Variants in PRRC2B observed in about 807,000 individuals in gnomAD.
PRRC2B encodes the protein proline rich coiled-coil 2B.
A neutral mutation model predicts 242.3 loss-of-function variants in PRRC2B; 68 were observed. That is an observed-to-expected ratio of 0.28 (90% CI 0.23 to 0.34). The LOEUF is 0.34. Ranked by LOEUF, PRRC2B falls within the 10% of genes least tolerant of loss-of-function variation. PRRC2B has a pLI of 1.00. For synonymous variants in PRRC2B, 1,228 were observed against 1,173.6 expected, an observed-to-expected ratio of 1.05 and a Z score of -0.95; for missense variants, 2,835 against 2,954.8, an observed-to-expected ratio of 0.96 and a Z score of 0.94.
At chr9:131,454,486 A>C (rs2131402901) in intron 9 of PRRC2B, among the ~76,000 whole-genome samples, 1 of 152,214 alleles carries the variant, frequency 6.6e-6, no homozygotes, top group East Asian at 1.9e-4. Flanking sequence ...TAGTCTAACC[A>C]AGCTGCCCTG....
intron 11 of PRRC2B, among the ~76,000 whole-genome samples, chr9:131,464,084 G>A (rs1018554056): frequency 7.9e-5 from 12 of 152,024 alleles, no homozygotes; most frequent in African/African-American, 2.7e-4. Context: ...TGGGACTACA[G>A]GTGCACTCCG....
rs779244767 is a variant in PRRC2B at position 131,470,770 on chromosome 9, C to G, written c.1912-18C>G. ...TGGCCGCACCAGCCTGACCAAGTCT[C>G]TCTCTCTCTGTGGGCAGGAGCAGCT... On this transcript the variant is annotated intron_variant, in intron 13 of 31. Transcript: ENST00000683519. The G allele has an allele frequency of 3.7e-6, 6 of 1,606,110 alleles. No individual in the cohort carries two copies. The highest frequency in any genetic ancestry group is 3.3e-5 in the South Asian group (3 of 90,704).
At chr9:131,415,529 G>T (rs1294764423) in intron 1 of PRRC2B, among the ~76,000 whole-genome samples, 3 of 152,214 alleles carry the variant, frequency 2.0e-5, no homozygotes, top group African/African-American at 7.2e-5. Flanking sequence ...CACTAATATT[G>T]CCAGTCCCTC....
chr9:131,481,143 T>TACA (rs1215617960), intron 19 of PRRC2B, among the ~76,000 whole-genome samples: 4 of 151,032 alleles, frequency 2.6e-5, no homozygotes, highest in Non-Finnish European at 5.9e-5. Flanking sequence ...CTCCTAAAAA[T>TACA]ACAACAACAA....
At position 131,494,290 on chromosome 9, in the gene PRRC2B, A is replaced by AGC; in HGVS notation, c.6474-112_6474-111dup. On this transcript the variant is annotated intron_variant, in intron 30 of 31. Coordinates refer to ENST00000683519, the MANE Select transcript of PRRC2B (RefSeq NM_013318.4). This position sits in a 1 kb window ranked among gnomAD's most constrained non-coding sequence, Gnocchi z 4.3. ...AGAGATCCACGGACCGTCCCGAGTG[A>AGC]GCGCCTCTGGCCGCAGGCCCTTCCT... 1.6e-6 allele frequency: 1 copy of AGC among 627,188 alleles called. No homozygotes were observed. The highest frequency in any genetic ancestry group is 2.9e-6 in the Non-Finnish European group (1 of 349,692). The allele number at this position is 627,188 out of a possible 1,614,324, so 38.9% of individuals were successfully genotyped here. A position where few individuals can be genotyped will look rare whatever the true frequency, so the allele number is the denominator to read the frequency against.
intron 4 of PRRC2B, 91 bp downstream of exon 4, chr9:131,436,813 G>C: frequency 9.4e-7 from 1 of 1,064,362 alleles, no homozygotes; most frequent in Non-Finnish European, 1.4e-6. Flanking sequence ...TTGCTACTGA[G>C]AAGTGTGGTT....
intron 9 of PRRC2B, among the ~76,000 whole-genome samples, chr9:131,452,744 G>A (rs900138529): frequency 6.6e-6 from 1 of 152,092 alleles, no homozygotes; most frequent in African/African-American, 2.4e-5. Context: ...TTTTATTACG[G>A]GGACATTTCT....
rs1214193212 is a variant in PRRC2B, at chr9:131,474,815, G to T, written c.2686G>T (p.Ala896Ser). 6.2e-7 allele frequency: 1 copy of T among 1,612,108 alleles called. No individual in the cohort carries two copies. The highest frequency in any genetic ancestry group is 1.7e-5 in the Admixed American group (1 of 59,872). The change falls in exon 16 of 32, where the codon GCC becomes TCC. Residue 896 changes from alanine to serine, a missense_variant. Around this residue, in one of 7 missense-constraint regions of PRRC2B, gnomAD observed 1,536 missense variants for 1,483.1 expected, o/e 1.04. Coordinates refer to ENST00000683519, the MANE Select transcript of PRRC2B (RefSeq NM_013318.4). ...GCGGGAGACACCCCGGGAGGGGACG[G>T]CCTTTAACATCTCCTCCTGGGACAA... ...VERETPREGTAFNISSWDKNG... is the reference protein window; with the variant it reads ...VERETPREGTSFNISSWDKNG...
chr9:131,404,652 C>T (rs1837317937), intron 1 of PRRC2B, among the ~76,000 whole-genome samples: 1 of 152,170 alleles, frequency 6.6e-6, no homozygotes, highest in Non-Finnish European at 1.5e-5. Context: ...CCCACATTAT[C>T]CACATGCACG....
intron 3 of PRRC2B, among the ~76,000 whole-genome samples, chr9:131,436,219 G>T (rs1838364205): frequency 6.6e-6 from 1 of 152,160 alleles, no homozygotes; most frequent in Non-Finnish European, 1.5e-5. Context: ...AAAAAGAAAG[G>T]CCAGGCAAGG....
intron 1 of PRRC2B, among the ~76,000 whole-genome samples, chr9:131,402,467 T>C (rs1837252337): frequency 6.6e-6 from 1 of 152,228 alleles, no homozygotes; most frequent in Non-Finnish European, 1.5e-5. Flanking sequence ...TATTTGCATG[T>C]ATCTACCACA....
rs1944424313 is a variant in PRRC2B at position 131,500,049 on chromosome 9, A to T, written c.*4175A>T. The T allele has an allele frequency of 6.6e-6, 1 of 152,092 alleles. No individual in the cohort carries two copies. Among genetic ancestry groups the T allele is most frequent in the African/African-American group, 2.4e-5 (1 of 41,400 alleles). 9.4% of individuals were successfully genotyped at this position (152,092 alleles called of 1,614,324 possible). On this transcript the variant is annotated 3_prime_UTR_variant, in exon 32 of 32. Coordinates refer to ENST00000683519, the MANE Select transcript of PRRC2B (RefSeq NM_013318.4). ...CCTTGGATGGGAAATCGAATCGTGG[A>T]TTCACCAGGCCGGTGCTGGCACACT...
At position 131,476,513 on chromosome 9, in the gene PRRC2B, G is replaced by A. The variant is rs1943704520; in HGVS notation, c.4384G>A (p.Gly1462Arg). The change falls in exon 16 of 32, where the codon GGG (glycine) becomes AGG (arginine). Residue 1462 changes from glycine to arginine, a missense_variant. This residue lies in a region of PRRC2B where 1,536 missense variants were observed against 1,483.1 expected (regional missense o/e 1.04). Coordinates refer to ENST00000683519, the MANE Select transcript of PRRC2B (RefSeq NM_013318.4). ...TSPRYESQQNGTPLKVKRSPD... is the reference protein window; with the variant it reads ...TSPRYESQQNRTPLKVKRSPD... ...CCCTCGCTATGAGAGCCAACAGAAT[G>A]GGACGCCTTTGAAAGTGAAAAGGTA... The A allele has an allele frequency of 6.3e-7, 1 of 1,598,612 alleles. No homozygotes were observed. Among genetic ancestry groups the A allele is most frequent in the Non-Finnish European group, 8.5e-7 (1 of 1,172,454 alleles).
chr9:131,413,039 G>A (rs968484519), intron 1 of PRRC2B, among the ~76,000 whole-genome samples: 1 of 152,124 alleles, frequency 6.6e-6, no homozygotes, highest in African/African-American at 2.4e-5. Flanking sequence ...TTAAAGACCT[G>A]TGCTAACATT....
chr9:131,464,708 C>G, intron 11 of PRRC2B, 55 bp from the exon 12 acceptor site: 1 of 1,469,124 alleles, frequency 6.8e-7, no homozygotes, highest in Middle Eastern at 2.1e-4. Flanking sequence ...GGGAGTGGTT[C>G]CTGTATCCCG....
chr9:131,460,020 A>G (rs10512414), intron 11 of PRRC2B, among the ~76,000 whole-genome samples: 8,335 of 150,874 alleles, frequency 0.055, 311 homozygotes, highest in Admixed American at 0.11. Flanking sequence ...AACAGCTTCA[A>G]AGTGATAGAA....
At chr9:131,400,945 C>G (rs972230106) in intron 1 of PRRC2B, among the ~76,000 whole-genome samples, 6 of 150,806 alleles carry the variant, frequency 4.0e-5, no homozygotes, top group Non-Finnish European at 7.4e-5. Context: ...GCCTCATCCT[C>G]TTGTGGTTTC....
At chr9:131,420,501 T>TTCTTTCTTTCTTTC (rs1588242598) in intron 1 of PRRC2B, among the ~76,000 whole-genome samples, 2 of 19,016 alleles carry the variant, frequency 1.1e-4, no homozygotes, top group Non-Finnish European at 1.2e-4. Context: ...TTCTTTTTTT[T>TTCTTTCTTTCTTTC]TTTTTTTTTG....
chr9:131,485,994 A>C, intron 25 of PRRC2B, 91 bp from the exon 26 acceptor site: 1 of 893,834 alleles, frequency 1.1e-6, no homozygotes, highest in Non-Finnish European at 1.8e-6. Flanking sequence ...TCCCCTGGGT[A>C]GAGCAGACCT....
Sources: gnomAD v4.1 joint callset for allele counts (sites outside exome capture counted in the v4.1 genomes callset) on GRCh38, gnomAD v4.1.1 for gene constraint, gnomAD v4.1.1 regional missense constraint, Gnocchi (gnomAD v3.1) non-coding constraint, MANE v1.5 for transcripts, NCBI Gene and HGNC (gene_info 2026-07-23, HGNC 2026-07-21) for gene names.